USP9Y: variants seen among roughly 807,000 people sequenced by gnomAD.
USP9Y encodes the protein ubiquitin carboxyl-terminal hydrolase 9Y.
In USP9Y, 41 loss-of-function variants were observed where a neutral mutation model predicts 53.1. That is an observed-to-expected ratio of 0.77 (90% CI 0.60 to 1.00). The LOEUF (loss-of-function observed/expected upper bound fraction) is 1.00. USP9Y is among the 50% of genes least tolerant of loss of function. The pLI is 0.00. For synonymous variants in USP9Y, 220 were observed against 173.7 expected, an observed-to-expected ratio of 1.27 and a Z score of -2.09; for missense variants, 567 against 535.8, an observed-to-expected ratio of 1.06 and a Z score of -0.58.
At chrY:12,811,834 G>T in intron 30 of USP9Y, 53 bp downstream of exon 30, 1 of 319,213 alleles carries the variant, frequency 3.1e-6, no homozygotes, top group Non-Finnish European at 4.6e-6. Flanking sequence ...CTGTGGCCCA[G>T]ACTGGAGTGC....
Position 12,859,409 on chromosome Y carries a change from A to T in USP9Y, c.7661A>T (p.Asp2554Val), listed in dbSNP as rs2053581614. ...GAAGTATCCTCACCTCAGATGAAGGATCAGTGAAAAGCAATAATTAACTGC... is the reference window on the plus strand; with the variant it reads ...GAAGTATCCTCACCTCAGATGAAGGTTCAGTGAAAAGCAATAATTAACTGC... ...NEEVSSPQMKDQ is the reference protein window; with the variant it reads ...NEEVSSPQMKVQ Residue 2554 changes from aspartate (D) to valine (V), a missense_variant, in exon 46 of 46, where the codon GAT becomes GTT. Asp to Val is a radical substitution (Grantham distance 152, BLOSUM62 -3). Transcript: ENST00000338981. The T allele has an allele frequency of 2.5e-6, 1 of 395,870 alleles. No homozygotes were observed.
chrY:12,800,301 G>A, intron 27 of USP9Y, among the ~76,000 whole-genome samples: 1 of 33,390 alleles, frequency 3.0e-5, no homozygotes, highest in South Asian at 6.8e-4. Context: ...AAGAACCCCA[G>A]GTGAGAGAAT....
chrY:12,709,107 A>G (rs1004451263), intron 2 of USP9Y, among the ~76,000 whole-genome samples: 3 of 33,087 alleles, frequency 9.1e-5, no homozygotes, highest in African/African-American at 3.6e-4. Context: ...TGTATTTTAT[A>G]TTAGAGATGG....
chrY:12,726,447 G>C, intron 6 of USP9Y, 128 bp from the exon 7 acceptor site: 1 of 161,026 alleles, frequency 6.2e-6, no homozygotes, highest in Admixed American at 1.1e-4. Context: ...CCCAATATTA[G>C]TGAAATTATG....
In USP9Y at chrY:12,765,950, A is replaced by G. The variant is rs2148284632; in HGVS notation, c.1901-5118A>G. Among the ~76,000 whole-genome samples, 5 of 33,722 alleles carry G rather than the reference A, an allele frequency of 1.5e-4. No individual in the cohort carries two copies. In the East Asian group the frequency reaches 3.9e-3, roughly 26 times the overall value. The allele number at this position is 33,722 out of a possible 37,273, so 90.5% of individuals were successfully genotyped here. On this transcript the variant is annotated intron_variant, in intron 15 of 45. Transcript: ENST00000338981. ...GTCTGCCACTGGTTCAGAAGCATTC[A>G]TTTCCATTAAGTTGTCTTGTGTCTT...
intron 11 of USP9Y, 74 bp from the exon 12 acceptor site, chrY:12,739,451 T>G: frequency 4.9e-6 from 1 of 202,467 alleles, no homozygotes; most frequent in Non-Finnish European, 8.3e-6. Context: ...AGAACTATTT[T>G]TTTGTTATTA....
rs2148286976 is a variant in USP9Y, at chrY:12,790,299, G to A, written c.3562-108G>A. On this transcript the variant is annotated intron_variant, in intron 24 of 45. Coordinates refer to ENST00000338981, the MANE Select transcript of USP9Y (RefSeq NM_004654.4). Reference sequence around the variant, plus strand: ...GGGGTAAGTGAAGGAATAACATGCCGAGGAAGTGGTGATGGATGAGGAGTA... The same window carrying A: ...GGGGTAAGTGAAGGAATAACATGCCAAGGAAGTGGTGATGGATGAGGAGTA... 2.7e-5 allele frequency: 6 copies of A among 219,728 alleles called. No individual in the cohort carries two copies. The African/African-American group carries it at 4.8e-4, about 18-fold the overall frequency. The allele number at this position is 219,728 out of a possible 400,897, so 54.8% of individuals were successfully genotyped here.
At chrY:12,828,934 A>G in intron 33 of USP9Y, among the ~76,000 whole-genome samples, 1 of 33,024 alleles carries the variant, frequency 3.0e-5, no homozygotes, top group South Asian at 6.7e-4. Context: ...AATGCTGAAC[A>G]CTGAAAAAAA....
At chrY:12,713,713 G>A (rs2053427144) in intron 3 of USP9Y, among the ~76,000 whole-genome samples, 1 of 31,160 alleles carries the variant, frequency 3.2e-5, no homozygotes, top group Non-Finnish European at 7.7e-5. Context: ...TTTGCCTGTA[G>A]CATGTTTCAA....
At chrY:12,829,993 G>T in intron 33 of USP9Y, among the ~76,000 whole-genome samples, 2 of 33,023 alleles carry the variant, frequency 6.1e-5, no homozygotes, top group Non-Finnish European at 7.5e-5. Flanking sequence ...AACTAAGCAG[G>T]CTGACTCCTG....
chrY:12,843,831 A>G (rs2053564455), intron 39 of USP9Y, among the ~76,000 whole-genome samples: 1 of 32,657 alleles, frequency 3.1e-5, no homozygotes, highest in Non-Finnish European at 7.5e-5. Context: ...GGCTTATTCC[A>G]TTGTGTTTTG....
At chrY:12,827,019 T>A (rs2053547021) in intron 33 of USP9Y, among the ~76,000 whole-genome samples, 2 of 33,339 alleles carry the variant, frequency 6.0e-5, no homozygotes, top group South Asian at 1.3e-3. Flanking sequence ...TAAGGAAACA[T>A]TGTGGAGAAT....
intron 34 of USP9Y, among the ~76,000 whole-genome samples, chrY:12,837,597 G>A (rs921306906): frequency 4.3e-4 from 14 of 32,717 alleles, no homozygotes; most frequent in African/African-American, 1.3e-3. Flanking sequence ...TTTGAGAATC[G>A]AATGCTGTCC....
intron 23 of USP9Y, 49 bp from the exon 24 acceptor site, chrY:12,786,473 T>C: frequency 2.7e-6 from 1 of 377,238 alleles, no homozygotes; most frequent in Non-Finnish European, 3.7e-6. Flanking sequence ...TACTAAGTTT[T>C]TTTTTAAATC....
rs79576789 is a variant in USP9Y at position 12,728,749 on chromosome Y, CTTT to C, written c.657+1959_657+1961del. 0.031 allele frequency among the ~76,000 whole-genome samples: 1,009 copies of C among 32,880 alleles called. No individual in the cohort carries two copies. The East Asian group carries it at 0.77, about 25-fold the overall frequency. 88.2% of individuals were successfully genotyped at this position (32,880 alleles called of 37,273 possible). A position where few individuals can be genotyped will look rare whatever the true frequency, so the allele number is the denominator to read the frequency against. ...GCTATTAGTTATTTGAGTCTTCTCT[CTTT>C]TTCTTAGTCAAACTGGCTAGAGGTC... is the stretch of plus-strand genomic sequence containing the variant. On this transcript the variant is annotated intron_variant, in intron 7 of 45. Transcript: ENST00000338981.
At position 12,819,189 on chromosome Y, in the gene USP9Y, G is replaced by A. The variant is rs759310653; in HGVS notation, c.5021+579G>A. 2.1e-3 allele frequency among the ~76,000 whole-genome samples: 70 copies of A among 33,769 alleles called. No homozygotes were observed. In the East Asian group the frequency reaches 0.047, roughly 23 times the overall value. 90.6% of individuals were successfully genotyped at this position (33,769 alleles called of 37,273 possible). A position where few individuals can be genotyped will look rare whatever the true frequency, so the allele number is the denominator to read the frequency against. On this transcript the variant is annotated intron_variant, in intron 33 of 45. Coordinates refer to ENST00000338981, the MANE Select transcript of USP9Y (RefSeq NM_004654.4). Reference sequence around the variant, plus strand: ...AGGAAACTCAATCTTAATAAAAAATGATATAAAAGCAAAATACTAAAACAG... The same window carrying A: ...AGGAAACTCAATCTTAATAAAAAATAATATAAAAGCAAAATACTAAAACAG...
chrY:12,752,514 C>A (rs757042332), intron 12 of USP9Y, among the ~76,000 whole-genome samples: 349 of 32,314 alleles, frequency 0.011, no homozygotes, highest in Non-Finnish European at 0.022. Flanking sequence ...GAAAATCATA[C>A]CCCTGCACGT....
chrY:12,831,483 G>A (rs1603202854), intron 33 of USP9Y, among the ~76,000 whole-genome samples: 2 of 33,306 alleles, frequency 6.0e-5, no homozygotes, highest in Non-Finnish European at 1.5e-4. Flanking sequence ...TAGAAGTACA[G>A]CCGGGTGTGG....
At chrY:12,766,375 T>C (rs2053479929) in intron 15 of USP9Y, among the ~76,000 whole-genome samples, 2 of 33,633 alleles carry the variant, frequency 5.9e-5, no homozygotes, top group Admixed American at 2.7e-4. Flanking sequence ...GCAGACCACA[T>C]TGATGCCTTT....
Sources: allele counts gnomAD v4.1 joint callset (sites outside exome capture counted in the v4.1 genomes callset), GRCh38; gene constraint gnomAD v4.1.1; transcripts MANE v1.5; gene names NCBI Gene and HGNC (gene_info 2026-07-23, HGNC 2026-07-21).